TET3: variants seen among roughly 807,000 people sequenced by gnomAD.
The protein encoded by TET3 is methylcytosine dioxygenase TET3.
In TET3, 19 loss-of-function variants were observed where a neutral mutation model predicts 141.4. The ratio of observed to expected loss-of-function variants is 0.13; its 90% CI spans 0.09 to 0.20. The LOEUF is 0.20. Ranked by LOEUF, TET3 falls within the 10% of genes least tolerant of loss-of-function variation. The pLI is 1.00. For synonymous variants in TET3, 1,043 were observed against 980.9 expected, an observed-to-expected ratio of 1.06 and a Z score of -1.18; for missense variants, 1,874 against 2,356.9, an observed-to-expected ratio of 0.80 and a Z score of 4.24.
At chr2:74,086,938 T>C (rs1003081323) in intron 6 of TET3, among the ~76,000 whole-genome samples, 1 of 152,144 alleles carries the variant, frequency 6.6e-6, no homozygotes, top group Non-Finnish European at 1.5e-5. Context: ...TTCAACATCC[T>C]GTACTGAAAC....
rs371034662 is a variant in TET3 at position 74,023,672 on chromosome 2, G to A, written c.360+20506G>A. Among the ~76,000 whole-genome samples, 5 of 152,302 alleles carry A rather than the reference G, an allele frequency of 3.3e-5. 1 individual carries two copies. Among genetic ancestry groups the A allele is most frequent in the Non-Finnish European group, 1.5e-5 (1 of 68,026 alleles). ...TGACTTCCAGACAGTGGCTCCCAGT[G>A]GCTCTGGTGATTGATATTATCAGTA... On this transcript the variant is annotated intron_variant, in intron 3 of 11. Coordinates refer to ENST00000409262, the MANE Select transcript of TET3 (RefSeq NM_001287491.2).
Position 74,022,822 on chromosome 2 carries a change from G to A in TET3, c.360+19656G>A, listed in dbSNP as rs374127026. 3.9e-5 allele frequency among the ~76,000 whole-genome samples: 6 copies of A among 152,082 alleles called. No individual in the cohort carries two copies. The South Asian group carries it at 1.2e-3, about 31-fold the overall frequency. On this transcript the variant is annotated intron_variant, in intron 3 of 11. Coordinates refer to ENST00000409262, the MANE Select transcript of TET3 (RefSeq NM_001287491.2). ...ATAAGAGTCTTGCTCTGTCGCCTAG[G>A]CTGGAGTGCAGTGGCATGATCTTGG...
chr2:74,020,580 G>A (rs1012213325), intron 3 of TET3, among the ~76,000 whole-genome samples: 1 of 152,168 alleles, frequency 6.6e-6, no homozygotes, highest in Non-Finnish European at 1.5e-5. Flanking sequence ...TGTACCCTTG[G>A]CAGTGGTTCC....
chr2:74,054,282 G>A (rs1688100902), intron 4 of TET3, among the ~76,000 whole-genome samples: 1 of 151,954 alleles, frequency 6.6e-6, no homozygotes, highest in South Asian at 2.1e-4. Context: ...GTGACCTTGA[G>A]TAGAAAGGAG....
chr2:74,073,735 A>G (rs1689342528), intron 5 of TET3, 96 bp downstream of exon 5: 2 of 983,248 alleles, frequency 2.0e-6, no homozygotes. Flanking sequence ...TGTAACAGAC[A>G]ATATACAGAA....
chr2:74,009,822 A>C (rs1685332552), intron 3 of TET3, among the ~76,000 whole-genome samples: 1 of 152,220 alleles, frequency 6.6e-6, no homozygotes, highest in South Asian at 2.1e-4. Context: ...CCCAGCCAGG[A>C]CAGCTGTCTA....
At chr2:74,067,752 T>G (rs1222057887) in intron 4 of TET3, among the ~76,000 whole-genome samples, 3 of 152,086 alleles carry the variant, frequency 2.0e-5, no homozygotes, top group Non-Finnish European at 4.4e-5. Flanking sequence ...AAAGGAGAGA[T>G]CCAGAAAGGC....
At chr2:74,089,080 CAAAAAAAAA>C (rs34315040) in intron 7 of TET3, among the ~76,000 whole-genome samples, 1 of 60,566 alleles carries the variant, frequency 1.7e-5, no homozygotes, top group Non-Finnish European at 3.1e-5. Flanking sequence ...GATTCCGTCT[CAAAAAAAAA>C]AAAAAAAAAA....
chr2:74,111,125 T>G (rs1428839469), downstream of TET3, among the ~76,000 whole-genome samples: 2 of 152,168 alleles, frequency 1.3e-5, no homozygotes, highest in African/African-American at 4.8e-5. Context: ...GCCAGGAACA[T>G]TCCATTGTCC....
chr2:74,061,089 G>A (rs1305265437), intron 4 of TET3, among the ~76,000 whole-genome samples: 12 of 151,474 alleles, frequency 7.9e-5, no homozygotes, highest in African/African-American at 2.2e-4. Flanking sequence ...CAGTAGGGGC[G>A]GCCGGGCAGA....
intron 3 of TET3, among the ~76,000 whole-genome samples, chr2:74,036,794 A>G (rs1303433487): frequency 1.3e-5 from 2 of 152,128 alleles, no homozygotes; most frequent in African/African-American, 4.8e-5. Context: ...TCGAACCCAC[A>G]TTAGTTACTG....
At chr2:74,066,867 G>A (rs1219258347) in intron 4 of TET3, among the ~76,000 whole-genome samples, 2 of 152,072 alleles carry the variant, frequency 1.3e-5, no homozygotes, top group African/African-American at 4.8e-5. Flanking sequence ...TTGTGACTTA[G>A]GGCAGAAGGT....
chr2:74,034,451 T>C (rs1010450875), intron 3 of TET3, among the ~76,000 whole-genome samples: 1 of 152,152 alleles, frequency 6.6e-6, no homozygotes, highest in Non-Finnish European at 1.5e-5. Flanking sequence ...AATTTTGTTA[T>C]CATTCCCTTG....
At chr2:74,112,102 C>G (rs765502183), downstream of TET3, among the ~76,000 whole-genome samples, 35 of 152,180 alleles carry the variant, frequency 2.3e-4, no homozygotes, top group Non-Finnish European at 4.4e-4. Flanking sequence ...AAAACCAAAT[C>G]AGATGATACT....
chr2:74,113,036 C>A (rs867267474), downstream of TET3, among the ~76,000 whole-genome samples: 108 of 97,532 alleles, frequency 1.1e-3, 4 homozygotes, highest in South Asian at 0.017. Flanking sequence ...AAAAAAAAAA[C>A]CCACAGTTAA....
At chr2:74,097,094 AAAGAAAAAG>A (rs1476069908) in intron 10 of TET3, among the ~76,000 whole-genome samples, 2 of 136,848 alleles carry the variant, frequency 1.5e-5, no homozygotes, top group African/African-American at 4.9e-5. Context: ...CTTATCTCAA[AAAGAAAAAG>A]AAGAAAAAGA....
chr2:74,076,175 CCT>C (rs1041119871), intron 5 of TET3, among the ~76,000 whole-genome samples: 4 of 151,474 alleles, frequency 2.6e-5, no homozygotes, highest in East Asian at 1.9e-4. Context: ...TTTTTTACCC[CCT>C]GATTCTTTAA....
chr2:74,082,151 A>G (rs901896151), intron 6 of TET3, among the ~76,000 whole-genome samples: 3 of 152,202 alleles, frequency 2.0e-5, no homozygotes, highest in Non-Finnish European at 2.9e-5. Flanking sequence ...TTCCAGCTTC[A>G]AGACAGTTGG....
In TET3 at chr2:74,100,755, G is replaced by T; in HGVS notation, c.3967G>T (p.Ala1323Ser). ...TTTTGAGAAGAAGCCAGACCTCCAC[G>T]CTCTGCACAACAGCCTGAGCCCGGC... is the stretch of plus-strand genomic sequence containing the variant. Reference protein sequence around the residue: ...GSFEKKPDLHALHNSLSPAYG... With the variant: ...GSFEKKPDLHSLHNSLSPAYG... Residue 1323 changes from alanine to serine, a missense_variant, in exon 12 of 12, where the codon GCT (alanine) becomes TCT (serine). This residue lies in a region of TET3 where 602 missense variants were observed against 590.2 expected (regional missense o/e 1.02). Transcript: ENST00000409262. 1 of 1,613,602 alleles carries T rather than the reference G, an allele frequency of 6.2e-7. No individual in the cohort carries two copies. Among genetic ancestry groups the T allele is most frequent in the South Asian group, 1.1e-5 (1 of 90,986 alleles).
Sources: gnomAD v4.1 joint callset for allele counts (sites outside exome capture counted in the v4.1 genomes callset) on GRCh38, gnomAD v4.1.1 for gene constraint, gnomAD v4.1.1 regional missense constraint, MANE v1.5 for transcripts, NCBI Gene and HGNC (gene_info 2026-07-23, HGNC 2026-07-21) for gene names.